Variants in PTGER3 observed in about 807,000 individuals in gnomAD.
The protein encoded by PTGER3 is prostaglandin E receptor 3, also known as prostaglandin E2 receptor EP3 subtype.
PTGER3 carries 22 observed loss-of-function variants against 34.7 expected under a neutral mutation model. That is an observed-to-expected ratio of 0.63 (90% CI 0.45 to 0.91). PTGER3 has a LOEUF of 0.91. Among genes scored for constraint, PTGER3 ranks in the 40% least tolerant of loss-of-function variants. The probability of loss-of-function intolerance (pLI) is 0.00; values close to 1 mark genes in which losing one functional copy is unlikely to be tolerated. For missense variants in PTGER3, 468 were observed against 519.4 expected (o/e 0.90, Z 0.96); for synonymous variants, 241 against 230.1 (o/e 1.05, Z -0.43).
At chr1:70,950,686 G>T (rs1650675112), downstream of PTGER3, 1 of 152,020 alleles carries the variant, frequency 6.6e-6, no homozygotes, top group Non-Finnish European at 1.5e-5. Context: ...ATAAATTCCA[G>T]CATTTCATGC....
chr1:70,987,280 A>ATGTC (rs1655013244), intron 2 of PTGER3, among the ~76,000 whole-genome samples: 1 of 152,226 alleles, frequency 6.6e-6, no homozygotes, highest in Admixed American at 6.5e-5. Flanking sequence ...TTAAGAATAT[A>ATGTC]TGTCTAAAGA....
chr1:70,915,628 A>G (rs1240776578), intron 4 of PTGER3, among the ~76,000 whole-genome samples: 1 of 152,022 alleles, frequency 6.6e-6, no homozygotes, highest in Non-Finnish European at 1.5e-5. Flanking sequence ...GTTAGCAGTC[A>G]TTAAGTGTCT....
Position 70,869,311 on chromosome 1 carries a change from C to A in PTGER3, c.*24-16452G>T, listed in dbSNP as rs13306011. ...CATGACAAAAACACCTTCCATCAGG[C>A]CCCATCTCCTACATTGGGGAATACA... On this transcript the variant is annotated intron_variant, in intron 4 of 4. Coordinates refer to the PTGER3 transcript ENST00000370931. 9.7e-4 allele frequency: 456 copies of A among 471,398 alleles called. 6 individuals are homozygous for A. The East Asian group carries it at 0.025, about 26-fold the overall frequency. The allele number at this position is 471,398 out of a possible 1,614,324, so 29.2% of individuals were successfully genotyped here. A position where few individuals can be genotyped will look rare whatever the true frequency, so the allele number is the denominator to read the frequency against.
chr1:70,960,164 C>G (rs574517237), intron 2 of PTGER3, among the ~76,000 whole-genome samples: 1 of 152,302 alleles, frequency 6.6e-6, no homozygotes, highest in South Asian at 2.1e-4. Context: ...GTGCCAACAA[C>G]TTGATCCTGG....
intron 2 of PTGER3, among the ~76,000 whole-genome samples, chr1:71,000,665 A>G (rs917880234): frequency 1.3e-5 from 2 of 152,190 alleles, no homozygotes; most frequent in Non-Finnish European, 2.9e-5. Flanking sequence ...TAGACTCCCA[A>G]AGTGGGTAAA....
intron 1 of PTGER3, among the ~76,000 whole-genome samples, chr1:71,029,964 A>AT (rs1659268948): frequency 6.8e-6 from 1 of 146,606 alleles, no homozygotes; most frequent in African/African-American, 2.6e-5. Flanking sequence ...AATAATAACA[A>AT]AATAAGTAAA....
At chr1:71,009,822 T>C in intron 2 of PTGER3, 11 of 985,248 alleles carry the variant, frequency 1.1e-5, no homozygotes, top group Non-Finnish European at 1.2e-5. Context: ...AAATTAAACT[T>C]AGACACGTCT....
chr1:70,880,341 G>A (rs927861306), intron 4 of PTGER3, among the ~76,000 whole-genome samples: 1 of 150,588 alleles, frequency 6.6e-6, no homozygotes, highest in African/African-American at 2.4e-5. Context: ...TATGAAACTA[G>A]TTTGGCTGGA....
chr1:70,909,100 G>A (rs1322409828), intron 4 of PTGER3, among the ~76,000 whole-genome samples: 1 of 152,136 alleles, frequency 6.6e-6, no homozygotes, highest in East Asian at 1.9e-4. Context: ...TCAATAGGAG[G>A]ATGGTTACAT....
intron 4 of PTGER3, among the ~76,000 whole-genome samples, chr1:70,942,959 G>A (rs990832822): frequency 6.6e-6 from 1 of 152,098 alleles, no homozygotes; most frequent in Admixed American, 6.6e-5. Context: ...TATACATTTC[G>A]ATTAAGTCAC....
At chr1:71,011,247 G>T (rs1175669536) in intron 2 of PTGER3, 16 of 985,206 alleles carry the variant, frequency 1.6e-5, no homozygotes, top group Non-Finnish European at 1.8e-5. Context: ...AGGCAGAAGA[G>T]CTGTGAAGGG....
chr1:70,917,715 T>C (rs1557653808), intron 4 of PTGER3, among the ~76,000 whole-genome samples: 1 of 151,958 alleles, frequency 6.6e-6, no homozygotes, highest in South Asian at 2.1e-4. Context: ...GCATTTGTTA[T>C]TTTTTGCCTT....
intron 2 of PTGER3, among the ~76,000 whole-genome samples, chr1:70,983,710 T>C (rs533968752): frequency 2.1e-4 from 32 of 152,150 alleles, no homozygotes; most frequent in Non-Finnish European, 4.0e-4. Flanking sequence ...ATCTTTTATG[T>C]GCTCCCAGCT....
chr1:70,885,674 G>A (rs1646483136), intron 4 of PTGER3, among the ~76,000 whole-genome samples: 1 of 152,066 alleles, frequency 6.6e-6, no homozygotes, highest in Non-Finnish European at 1.5e-5. Context: ...GCTAGGCTCT[G>A]AGGGCCCAAG....
At chr1:70,892,837 CA>C (rs1176220550) in intron 4 of PTGER3, among the ~76,000 whole-genome samples, 5,156 of 47,842 alleles carry the variant, frequency 0.11, 152 homozygotes, top group African/African-American at 0.26. Flanking sequence ...CAAGACTCCT[CA>C]AAAAAAAAAA....
chr1:70,863,116 G>A (rs1557611514), intron 4 of PTGER3, among the ~76,000 whole-genome samples: 1 of 151,924 alleles, frequency 6.6e-6, no homozygotes, highest in Non-Finnish European at 1.5e-5. Context: ...CATAACATGA[G>A]CTACAGTTGC....
chr1:71,023,640 G>T (rs578008935), intron 1 of PTGER3, among the ~76,000 whole-genome samples: 9 of 151,808 alleles, frequency 5.9e-5, no homozygotes, highest in African/African-American at 1.9e-4. Context: ...TTCCTCAAAG[G>T]TGTTTCTACA....
intron 4 of PTGER3, among the ~76,000 whole-genome samples, chr1:70,860,956 G>T (rs1645914460): frequency 6.6e-6 from 1 of 152,156 alleles, no homozygotes; most frequent in African/African-American, 2.4e-5. Context: ...ATTCTACAAA[G>T]AATACTATAA....
At chr1:70,964,928 T>G (rs538085914) in intron 2 of PTGER3, among the ~76,000 whole-genome samples, 19 of 152,174 alleles carry the variant, frequency 1.2e-4, no homozygotes, top group Non-Finnish European at 2.5e-4. Flanking sequence ...GTTCCCATCT[T>G]GGATAGCAAA....
Sources: allele counts gnomAD v4.1 joint callset (sites outside exome capture counted in the v4.1 genomes callset), GRCh38; gene constraint gnomAD v4.1.1; transcripts MANE v1.5; gene names NCBI Gene and HGNC (gene_info 2026-07-23, HGNC 2026-07-21).